DNAH11: variants seen among roughly 807,000 people sequenced by gnomAD.
DNAH11 encodes the protein axonemal beta dynein heavy chain 11.
In DNAH11, 442 loss-of-function variants were observed where a neutral mutation model predicts 526.0. That is an observed-to-expected ratio of 0.84 (90% CI 0.78 to 0.91). DNAH11 has a LOEUF of 0.91. DNAH11 is among the 40% of genes least tolerant of loss of function. The probability of loss-of-function intolerance (pLI) is 0.00; values close to 1 mark genes in which losing one functional copy is unlikely to be tolerated. For missense variants in DNAH11, 6,989 were observed against 5,448.7 expected, an observed-to-expected ratio of 1.28 and a Z score of -8.90; for synonymous variants, 2,461 against 1,935.9, an observed-to-expected ratio of 1.27 and a Z score of -7.12.
Position 21,873,381 on chromosome 7 carries a change from A to G in DNAH11, c.12075A>G (p.Ala4025=). 6.2e-7 allele frequency: 1 copy of G among 1,613,960 alleles called. No individual in the cohort carries two copies. The part of the protein sequence containing the change: ...DYRVFMSAES[A]PTPDEHIIPQ... ...GGGTTTTCATGAGTGCTGAGTCTGC[A>G]CCTACACCAGATGAGCATATCATCC... The change falls in exon 74 of 82, where the codon GCA becomes GCG. Residue 4025 remains alanine, a synonymous_variant. Transcript: ENST00000409508.
At chr7:21,702,661 C>A in intron 36 of DNAH11, 49 bp from the exon 37 acceptor site, 2 of 1,516,372 alleles carry the variant, frequency 1.3e-6, no homozygotes, top group South Asian at 1.2e-5. Flanking sequence ...GAATGAGAAT[C>A]TTCTTCCCTC....
Position 21,543,344 on chromosome 7 carries a change from G to A in DNAH11, c.99G>A (p.Val33=). 1.3e-6 allele frequency: 2 copies of A among 1,551,226 alleles called. No homozygotes were observed. Among genetic ancestry groups the A allele is most frequent in the Non-Finnish European group, 1.7e-6 (2 of 1,146,820 alleles). The change falls in exon 1 of 82, where the codon GTG becomes GTA. Residue 33 remains valine, a synonymous_variant. Coordinates refer to ENST00000409508, the MANE Select transcript of DNAH11 (RefSeq NM_001277115.2). ...SGAGLEAVGA[V]ELEEEEENEE... is the part of the protein sequence containing the mutation. ...CCGGCCTGGAGGCAGTGGGCGCTGT[G>A]GAGCTCGAGGAGGAGGAGGAGAACG... is the stretch of plus-strand genomic sequence containing the variant.
chr7:21,601,574 A>G lies in DNAH11; in HGVS notation c.3604A>G (p.Ser1202Gly). Reference protein sequence around the residue: ...PLKETITLLESYGQKMPEQVY... With the variant: ...PLKETITLLEGYGQKMPEQVY... ...AAAAGAAACGATCACCCTCTTGGAA[A>G]GCTATGGCCAGAAGATGCCTGAGCA... The change falls in exon 18 of 82, where the codon AGC becomes GGC. Residue 1202 changes from serine to glycine, a missense_variant. By Grantham distance (56) the Ser-to-Gly change is moderately conservative. Transcript: ENST00000409508. 1 of 1,605,428 alleles carries G rather than the reference A, an allele frequency of 6.2e-7. No homozygotes were observed. Among genetic ancestry groups the G allele is most frequent in the Non-Finnish European group, 8.5e-7 (1 of 1,173,212 alleles).
intron 6 of DNAH11, among the ~76,000 whole-genome samples, chr7:21,568,591 TAGG>T (rs1783763533): frequency 6.6e-6 from 1 of 152,142 alleles, no homozygotes; most frequent in Non-Finnish European, 1.5e-5. Context: ...AGTGCCATCT[TAGG>T]AGGCCTTACT....
intron 45 of DNAH11, among the ~76,000 whole-genome samples, chr7:21,734,948 G>T (rs553966242): frequency 6.6e-6 from 1 of 152,020 alleles, no homozygotes; most frequent in East Asian, 1.9e-4. Flanking sequence ...GAGGCGGGTG[G>T]ATCACAAGGT....
At chr7:21,751,403 T>TA (rs1413025571) in intron 54 of DNAH11, among the ~76,000 whole-genome samples, 5 of 152,120 alleles carry the variant, frequency 3.3e-5, no homozygotes, top group Non-Finnish European at 7.4e-5. Flanking sequence ...TGTGCTATAG[T>TA]GTATCACATA....
intron 73 of DNAH11, among the ~76,000 whole-genome samples, chr7:21,870,768 T>G (rs1490810949): frequency 6.6e-6 from 1 of 152,268 alleles, no homozygotes; most frequent in African/African-American, 2.4e-5. Flanking sequence ...GGATCTACTT[T>G]TGGATATTTG....
Position 21,867,913 on chromosome 7 carries a change from C to G in DNAH11, c.11745C>G (p.Asp3915Glu). 6.3e-7 allele frequency: 1 copy of G among 1,581,406 alleles called. No homozygotes were observed. ...GAKYVERTRL[D>E]LVKAFEESSP... ...AGTATGTGGAGAGGACCAGATTGGA[C>G]TTAGTTAAAGCATTCGAAGAAAGCA... is the stretch of plus-strand genomic sequence containing the variant. Residue 3915 changes from aspartate to glutamate, a missense_variant, in exon 72 of 82, where the codon GAC (aspartate) becomes GAG (glutamate). Asp to Glu is a conservative substitution (Grantham distance 45, BLOSUM62 2). Coordinates refer to ENST00000409508, the MANE Select transcript of DNAH11 (RefSeq NM_001277115.2).
intron 28 of DNAH11, among the ~76,000 whole-genome samples, chr7:21,646,335 G>A (rs1425472392): frequency 6.6e-6 from 1 of 152,142 alleles, no homozygotes; most frequent in African/African-American, 2.4e-5. Flanking sequence ...CTTTCTAGAC[G>A]CTGGACATCA....
At chr7:21,650,110 C>G (rs1290840405) in intron 28 of DNAH11, among the ~76,000 whole-genome samples, 1 of 152,042 alleles carries the variant, frequency 6.6e-6, no homozygotes, top group Non-Finnish European at 1.5e-5. Flanking sequence ...AAAAACCCAG[C>G]ATTTGTGTTG....
chr7:21,773,872 C>G lies in DNAH11; in HGVS notation c.9209C>G (p.Thr3070Ser), dbSNP rs527922611. Residue 3070 changes from threonine (T) to serine (S), a missense_variant, in exon 56 of 82, where the codon ACC (threonine) becomes AGC (serine). By Grantham distance (58) the Thr-to-Ser change is moderately conservative. Coordinates refer to ENST00000409508, the MANE Select transcript of DNAH11 (RefSeq NM_001277115.2). ...AATGAGAGAAGACACAACTATACCA[C>G]CCCAAAGAGTTTTCTAGAACAAATA... Reference protein sequence around the residue: ...YQNERRHNYTTPKSFLEQISL... With the variant: ...YQNERRHNYTSPKSFLEQISL... The G allele has an allele frequency of 7.0e-5, 113 of 1,606,846 alleles. 1 individual carries two copies. In the South Asian group the frequency reaches 1.2e-3, roughly 17 times the overall value.
At chr7:21,876,532 T>A (rs1229654344) in intron 74 of DNAH11, among the ~76,000 whole-genome samples, 6 of 152,266 alleles carry the variant, frequency 3.9e-5, no homozygotes, top group Non-Finnish European at 8.8e-5. Flanking sequence ...AAAAAAGTTC[T>A]TATAAAATAA....
At chr7:21,590,758 T>C (rs528114551) in intron 12 of DNAH11, among the ~76,000 whole-genome samples, 160 bp from the exon 13 acceptor site, 7 of 152,374 alleles carry the variant, frequency 4.6e-5, no homozygotes, top group African/African-American at 1.7e-4. Context: ...GAATGTATGA[T>C]TTTTGTTTTT....
In DNAH11 at chr7:21,601,424, G is replaced by A. The variant is rs751426032; in HGVS notation, c.3454G>A (p.Glu1152Lys). ...GAATGAGCTACAAGAATTTATAAAGGAGACAGATTCCGGACTTCAGAGAGA... is the reference window on the plus strand; with the variant it reads ...GAATGAGCTACAAGAATTTATAAAGAAGACAGATTCCGGACTTCAGAGAGA... ...SLNELQEFIK[E>K]TDSGLQRELN... is the part of the protein sequence containing the mutation. The change falls in exon 18 of 82, where the codon GAG (glutamate) becomes AAG (lysine). Residue 1152 changes from glutamate to lysine, a missense_variant. By Grantham distance (56) the Glu-to-Lys change is moderately conservative (BLOSUM62 1). Transcript: ENST00000409508. The A allele has an allele frequency of 1.2e-6, 2 of 1,613,084 alleles. No individual in the cohort carries two copies. The highest frequency in any genetic ancestry group is 1.7e-6 in the Non-Finnish European group (2 of 1,179,472).
intron 66 of DNAH11, among the ~76,000 whole-genome samples, chr7:21,847,673 T>C (rs1782467770): frequency 2.6e-5 from 4 of 152,184 alleles, no homozygotes; most frequent in Admixed American, 2.6e-4. Context: ...GTCAGTGACA[T>C]TCGATCCGGT....
intron 68 of DNAH11, among the ~76,000 whole-genome samples, chr7:21,855,631 C>G (rs540012798): frequency 6.6e-6 from 1 of 152,312 alleles, no homozygotes; most frequent in East Asian, 1.9e-4. Context: ...CAACCTGTAA[C>G]TGTTTCCAAA....
In DNAH11 at chr7:21,564,159, A is replaced by C. The variant is rs372380406; in HGVS notation, c.983-27A>C. 43 of 1,470,966 alleles carry C rather than the reference A, an allele frequency of 2.9e-5. No homozygotes were observed. In the African/African-American group the frequency reaches 5.7e-4, roughly 20 times the overall value. The allele number at this position is 1,470,966 out of a possible 1,614,324, so 91.1% of individuals were successfully genotyped here. ...AAAAAAAAAAAAACAAACCAGAATC[A>C]CGTTAATGGTGGTTCTTTGCTTTCA... is the stretch of plus-strand genomic sequence containing the variant. On this transcript the variant is annotated intron_variant, in intron 5 of 81. Coordinates refer to ENST00000409508, the MANE Select transcript of DNAH11 (RefSeq NM_001277115.2).
At chr7:21,594,341 T>C (rs1784795319) in intron 14 of DNAH11, among the ~76,000 whole-genome samples, 1 of 152,174 alleles carries the variant, frequency 6.6e-6, no homozygotes, top group Non-Finnish European at 1.5e-5. Context: ...TTGAGAAATA[T>C]TTATTGTGAG....
rs745649847 is a variant in DNAH11 at position 21,801,294 on chromosome 7, A to C, written c.10165+19A>C. 33 of 1,613,140 alleles carry C rather than the reference A, an allele frequency of 2.0e-5. No individual in the cohort carries two copies. The highest frequency in any genetic ancestry group is 8.5e-7 in the Non-Finnish European group (1 of 1,179,644). ...GAGGCAAGTTAAACCTTTTCTTCCA[A>C]ACATTCTAACTAAAATGTTCAGATC... is the stretch of plus-strand genomic sequence containing the variant. On this transcript the variant is annotated intron_variant, in intron 62 of 81. Coordinates refer to ENST00000409508, the MANE Select transcript of DNAH11 (RefSeq NM_001277115.2).
Sources: allele counts gnomAD v4.1 joint callset (sites outside exome capture counted in the v4.1 genomes callset), GRCh38; gene constraint gnomAD v4.1.1; transcripts MANE v1.5; gene names NCBI Gene and HGNC (gene_info 2026-07-23, HGNC 2026-07-21).